Variants in LRMDA observed in about 807,000 individuals in gnomAD.
LRMDA encodes the protein leucine rich melanocyte differentiation associated.
In LRMDA, 18 loss-of-function variants were observed where a neutral mutation model predicts 29.8. That is an observed-to-expected ratio of 0.60 (90% CI 0.42 to 0.90). The LOEUF is 0.90. LRMDA is among the 40% of genes least tolerant of loss of function. The pLI, the probability that LRMDA is intolerant of heterozygous loss-of-function variation, is 0.00. For synonymous variants in LRMDA, 125 were observed against 109.4 expected, an observed-to-expected ratio of 1.14 and a Z score of -0.89; for missense variants, 273 against 273.9, an observed-to-expected ratio of 1.00 and a Z score of 0.02.
At chr10:75,868,500 A>G (rs1163116281) in intron 2 of LRMDA, among the ~76,000 whole-genome samples, 5 of 152,216 alleles carry the variant, frequency 3.3e-5, no homozygotes, top group African/African-American at 1.2e-4. Flanking sequence ...GATTATTTGC[A>G]CTGCTTCACC....
intron 2 of LRMDA, among the ~76,000 whole-genome samples, chr10:75,801,411 A>C (rs945006053): frequency 1.3e-5 from 2 of 152,222 alleles, no homozygotes; most frequent in Non-Finnish European, 2.9e-5. Context: ...CTCAAGGGGA[A>C]AAGCCATTTA....
intron 2 of LRMDA, among the ~76,000 whole-genome samples, chr10:75,811,161 T>C (rs143846842): frequency 5.9e-4 from 90 of 152,288 alleles, no homozygotes; most frequent in African/African-American, 2.0e-3. Flanking sequence ...CCCTTCTTAA[T>C]AGGAGATTCT....
At chr10:76,553,958 A>G (rs1843524732) in intron 6 of LRMDA, among the ~76,000 whole-genome samples, 1 of 152,108 alleles carries the variant, frequency 6.6e-6, no homozygotes, top group Non-Finnish European at 1.5e-5. Context: ...ATTCAAGGTG[A>G]CAGCTCCTCA....
intron 2 of LRMDA, among the ~76,000 whole-genome samples, chr10:75,610,228 T>C (rs1841010442): frequency 6.6e-6 from 1 of 152,168 alleles, no homozygotes; most frequent in African/African-American, 2.4e-5. Context: ...TAGTTCCAGC[T>C]TTATCACTTT....
chr10:75,601,515 G>T (rs1840885107), intron 2 of LRMDA, among the ~76,000 whole-genome samples: 1 of 151,856 alleles, frequency 6.6e-6, no homozygotes, highest in South Asian at 2.1e-4. Flanking sequence ...AGGGAAAAGA[G>T]TTTTTGTTTT....
intron 2 of LRMDA, among the ~76,000 whole-genome samples, chr10:75,519,654 T>G (rs1845332850): frequency 6.6e-6 from 1 of 152,232 alleles, no homozygotes; most frequent in Non-Finnish European, 1.5e-5. Flanking sequence ...TCTGTGTCTT[T>G]TAATTGGGGC....
chr10:76,455,422 T>G (rs1350879741), intron 6 of LRMDA, among the ~76,000 whole-genome samples: 1 of 152,308 alleles, frequency 6.6e-6, no homozygotes, highest in East Asian at 1.9e-4. Flanking sequence ...GGTAAGAGTA[T>G]GCATCGATGC....
At chr10:76,080,274 A>G (rs1472186690) in intron 5 of LRMDA, among the ~76,000 whole-genome samples, 1 of 152,174 alleles carries the variant, frequency 6.6e-6, no homozygotes. Flanking sequence ...GCCATATTAT[A>G]TTTTCAAATA....
At chr10:76,344,606 A>G (rs1841080281) in intron 6 of LRMDA, among the ~76,000 whole-genome samples, 1 of 152,180 alleles carries the variant, frequency 6.6e-6, no homozygotes, top group African/African-American at 2.4e-5. Context: ...AAGAATTATA[A>G]TGAGGGAAAA....
At position 76,449,115 on chromosome 10, in the gene LRMDA, G is replaced by A. The variant is rs927603626; in HGVS notation, c.602-108094G>A. ...TTGACAAATTTTAAAATGCCTCAGG[G>A]GTATTTGAAAAGAACTTACATTTTC... On this transcript the variant is annotated intron_variant, in intron 6 of 6. Transcript: ENST00000611255. Among the ~76,000 whole-genome samples, 3 of 151,560 alleles carry A rather than the reference G, an allele frequency of 2.0e-5. 1 individual carries two copies. The highest frequency in any genetic ancestry group is 2.0e-4 in the Admixed American group (3 of 15,224).
chr10:76,036,251 T>A (rs552523085), intron 3 of LRMDA, 117 bp downstream of exon 3: 6 of 1,070,372 alleles, frequency 5.6e-6, no homozygotes, highest in Non-Finnish European at 7.9e-6. Flanking sequence ...TCAGCTAAAT[T>A]AAAGTATGTG....
intron 2 of LRMDA, among the ~76,000 whole-genome samples, chr10:75,900,707 C>G (rs1263214567): frequency 6.6e-6 from 1 of 152,190 alleles, no homozygotes; most frequent in Non-Finnish European, 1.5e-5. Context: ...GACCTCACTG[C>G]AGATCCACTC....
chr10:75,901,151 C>A (rs1443839109), intron 2 of LRMDA, among the ~76,000 whole-genome samples: 1 of 152,168 alleles, frequency 6.6e-6, no homozygotes, highest in African/African-American at 2.4e-5. Flanking sequence ...TTGTTTCTAT[C>A]TCTGTGTGAG....
At chr10:75,694,826 G>A (rs1175669272) in intron 2 of LRMDA, among the ~76,000 whole-genome samples, 2 of 152,210 alleles carry the variant, frequency 1.3e-5, no homozygotes, top group African/African-American at 4.8e-5. Context: ...AGGAATTGGT[G>A]TGCCAATCGA....
At chr10:75,961,789 A>C (rs1177543913) in intron 2 of LRMDA, among the ~76,000 whole-genome samples, 1 of 152,208 alleles carries the variant, frequency 6.6e-6, no homozygotes, top group East Asian at 1.9e-4. Context: ...GGATAGCTTG[A>C]ACAACAGAAA....
Position 75,438,399 on chromosome 10 carries a change from C to A in LRMDA, c.36C>A (p.Ser12=). 1 of 1,550,768 alleles carries A rather than the reference C, an allele frequency of 6.4e-7. No homozygotes were observed. Among genetic ancestry groups the A allele is most frequent in the South Asian group, 1.2e-5 (1 of 84,038 alleles). Residue 12 remains serine (S), a synonymous_variant, in exon 2 of 7, where the codon TCC becomes TCA. Coordinates refer to ENST00000611255, the MANE Select transcript of LRMDA (RefSeq NM_001305581.2). ...AGLVVRGTQV[S]YIGQDCREIP... ...CTGTTCCATTTAATTTCCAGGTGTC[C>A]TACATAGGCCAGGACTGCAGAGAAA...
intron 5 of LRMDA, among the ~76,000 whole-genome samples, chr10:76,064,463 GTTAC>G (rs1848752255): frequency 6.6e-6 from 1 of 152,182 alleles, no homozygotes; most frequent in Non-Finnish European, 1.5e-5. Flanking sequence ...TCTGTGTGTA[GTTAC>G]AATGAAATTT....
chr10:75,776,766 T>C (rs1222515094), intron 2 of LRMDA, among the ~76,000 whole-genome samples: 1 of 152,376 alleles, frequency 6.6e-6, no homozygotes, highest in East Asian at 1.9e-4. Context: ...CACAGAAATG[T>C]CTGAAAGGTA....
intron 5 of LRMDA, among the ~76,000 whole-genome samples, chr10:76,299,892 G>A (rs1048148408): frequency 6.6e-6 from 1 of 152,122 alleles, no homozygotes; most frequent in African/African-American, 2.4e-5. Flanking sequence ...GATAAAATCG[G>A]ACAATTTGCT....
Sources: gnomAD v4.1 joint callset for allele counts (sites outside exome capture counted in the v4.1 genomes callset) on GRCh38, gnomAD v4.1.1 for gene constraint, MANE v1.5 for transcripts, NCBI Gene and HGNC (gene_info 2026-07-23, HGNC 2026-07-21) for gene names.